The following NTN1 variants were observed in gnomAD, a reference collection of about 807,000 sequenced individuals.
NTN1 encodes netrin-1.
In NTN1, 11 loss-of-function variants were observed where a neutral mutation model predicts 54.2. The observed-to-expected ratio is 0.20, with a 90% CI of 0.13 to 0.34. The LOEUF (loss-of-function observed/expected upper bound fraction) is 0.34. NTN1 is among the 10% of genes least tolerant of loss of function. The pLI is 1.00. For missense variants in NTN1, 740 were observed against 893.1 expected, an observed-to-expected ratio of 0.83 and a Z score of 2.18; for synonymous variants, 371 against 382.0, an observed-to-expected ratio of 0.97 and a Z score of 0.33.
chr17:9,227,062 C>T (rs532486659), intron 6 of NTN1, among the ~76,000 whole-genome samples: 1 of 152,238 alleles, frequency 6.6e-6, no homozygotes, highest in Non-Finnish European at 1.5e-5. Flanking sequence ...CCTCCCATCC[C>T]GTCCCCGTGC....
At chr17:9,122,425 T>C (rs1217275177) in intron 2 of NTN1, among the ~76,000 whole-genome samples, 1 of 152,196 alleles carries the variant, frequency 6.6e-6, no homozygotes, top group Non-Finnish European at 1.5e-5. Flanking sequence ...GTGACTTGAA[T>C]GAGAGGCTTT....
At chr17:9,225,598 G>T (rs1298770660) in intron 6 of NTN1, among the ~76,000 whole-genome samples, 3 of 152,192 alleles carry the variant, frequency 2.0e-5, no homozygotes, top group Non-Finnish European at 4.4e-5. Flanking sequence ...GAGAAGGTGT[G>T]TAAGGGGGTG....
intron 2 of NTN1, among the ~76,000 whole-genome samples, chr17:9,090,081 G>C (rs1385632851): frequency 1.3e-5 from 2 of 152,128 alleles, no homozygotes; most frequent in Non-Finnish European, 2.9e-5. Context: ...GTGGGTATGT[G>C]AGTGGGGAAT....
intron 2 of NTN1, among the ~76,000 whole-genome samples, chr17:9,057,424 G>C (rs1053759456): frequency 2.0e-5 from 3 of 152,018 alleles, no homozygotes; most frequent in Non-Finnish European, 4.4e-5. Flanking sequence ...GTGATTGCCC[G>C]GGCTTATCAC....
chr17:9,081,995 G>C (rs980601447), intron 2 of NTN1, among the ~76,000 whole-genome samples: 1 of 152,126 alleles, frequency 6.6e-6, no homozygotes, highest in Non-Finnish European at 1.5e-5. Context: ...GTCTGCAGTT[G>C]GTTTCATGAA....
intron 2 of NTN1, among the ~76,000 whole-genome samples, chr17:9,083,846 TGTTA>T (rs1157966637): frequency 3.3e-5 from 5 of 152,232 alleles, no homozygotes; most frequent in African/African-American, 7.2e-5. Context: ...TCGAGTTTTC[TGTTA>T]GTTAGCACAG....
At chr17:9,010,443 G>A in the NTN1 span, among the ~76,000 whole-genome samples, 252 of 152,272 alleles carry the variant, frequency 1.7e-3, 1 homozygote, top group Admixed American at 3.1e-3. Context: ...TTGTGGGGAG[G>A]GAAGGAGCAG....
chr17:9,096,173 T>C (rs763223940), intron 2 of NTN1, among the ~76,000 whole-genome samples: 22 of 152,180 alleles, frequency 1.4e-4, no homozygotes, highest in African/African-American at 5.3e-4. Context: ...TCCTCATCTA[T>C]GTCCCTGAAT....
chr17:9,130,155 A>G (rs1417921145), intron 2 of NTN1, among the ~76,000 whole-genome samples: 2 of 152,134 alleles, frequency 1.3e-5, no homozygotes, highest in Non-Finnish European at 2.9e-5. Context: ...ACCTGTTGAC[A>G]GCAGTCATCT....
intron 2 of NTN1, among the ~76,000 whole-genome samples, chr17:9,124,385 G>A (rs903956915): frequency 6.6e-6 from 1 of 152,140 alleles, no homozygotes; most frequent in Non-Finnish European, 1.5e-5. Context: ...TCCTCCCTCC[G>A]GCTTCTCTCC....
chr17:9,068,545 G>A (rs978225523), intron 2 of NTN1, among the ~76,000 whole-genome samples: 7 of 147,312 alleles, frequency 4.8e-5, no homozygotes, highest in Non-Finnish European at 7.4e-5. Context: ...AGTTTCTCTC[G>A]TTGCCCAGGC....
chr17:9,031,670 T>C (rs8075741), intron 2 of NTN1, among the ~76,000 whole-genome samples: 116,368 of 152,060 alleles, frequency 0.77, 44,721 homozygotes, highest in African/African-American at 0.78. Context: ...GTAGACCAGG[T>C]GCGGTGGCTC....
At chr17:9,192,391 C>T (rs555346679) in intron 5 of NTN1, among the ~76,000 whole-genome samples, 1 of 152,302 alleles carries the variant, frequency 6.6e-6, no homozygotes, top group East Asian at 1.9e-4. Context: ...TGACACAACA[C>T]ATTACACCTG....
intron 2 of NTN1, among the ~76,000 whole-genome samples, chr17:9,089,271 C>T (rs1218250028): frequency 1.3e-5 from 2 of 152,024 alleles, no homozygotes; most frequent in Non-Finnish European, 2.9e-5. Context: ...AAAAGTTAGC[C>T]AGGTGTGGTG....
chr17:9,024,720 T>C (rs2091864447), intron 2 of NTN1, among the ~76,000 whole-genome samples: 1 of 152,238 alleles, frequency 6.6e-6, no homozygotes, highest in Non-Finnish European at 1.5e-5. Context: ...ACGCCGGGCC[T>C]CCCGCCTCCT....
intron 2 of NTN1, among the ~76,000 whole-genome samples, chr17:9,106,647 G>A (rs2092168098): frequency 6.6e-6 from 1 of 152,098 alleles, no homozygotes; most frequent in Non-Finnish European, 1.5e-5. Flanking sequence ...CCAAGTAGCT[G>A]GGAGTACAGG....
intron 2 of NTN1, among the ~76,000 whole-genome samples, chr17:9,131,814 T>C (rs1003078450): frequency 6.6e-6 from 1 of 151,998 alleles, no homozygotes; most frequent in African/African-American, 2.4e-5. Flanking sequence ...TTTATTATTA[T>C]CATTTTTAAG....
chr17:9,116,792 A>C (rs2092214232), intron 2 of NTN1, among the ~76,000 whole-genome samples: 1 of 152,138 alleles, frequency 6.6e-6, no homozygotes, highest in African/African-American at 2.4e-5. Flanking sequence ...AGAAAAGGTG[A>C]TGAGAAAGGT....
the NTN1 span, among the ~76,000 whole-genome samples, chr17:9,005,902 AACACTGC>A: frequency 6.6e-6 from 1 of 152,284 alleles, no homozygotes; most frequent in Non-Finnish European, 1.5e-5. Flanking sequence ...AGCTGGACCT[AACACTGC>A]ACACTGCAGG....
Sources: allele counts gnomAD v4.1 joint callset (sites outside exome capture counted in the v4.1 genomes callset), GRCh38; gene constraint gnomAD v4.1.1; transcripts MANE v1.5; gene names NCBI Gene and HGNC (gene_info 2026-07-23, HGNC 2026-07-21).